The following STK4 variants were observed in gnomAD, a reference collection of about 807,000 sequenced individuals.
STK4 encodes serine/threonine kinase 4.
A neutral mutation model predicts 64.9 loss-of-function variants in STK4; 30 were observed. The ratio of observed to expected loss-of-function variants is 0.46; its 90% CI spans 0.35 to 0.63. The LOEUF (loss-of-function observed/expected upper bound fraction) is 0.63. Ranked by LOEUF, STK4 falls within the 20% of genes least tolerant of loss-of-function variation. The pLI is 0.01. For missense variants in STK4, 466 were observed against 598.5 expected, an observed-to-expected ratio of 0.78 and a Z score of 2.31; for synonymous variants, 177 against 199.0, an observed-to-expected ratio of 0.89 and a Z score of 0.93.
At chr20:45,002,903 T>C (rs1223792947) in intron 9 of STK4, among the ~76,000 whole-genome samples, 1 of 144,782 alleles carries the variant, frequency 6.9e-6, no homozygotes, top group Non-Finnish European at 1.5e-5. Context: ...TTGGGCAAGA[T>C]TTTTTTTTTT....
chr20:45,061,792 C>T (rs1350977633), intron 10 of STK4, among the ~76,000 whole-genome samples: 1 of 151,452 alleles, frequency 6.6e-6, no homozygotes, highest in Non-Finnish European at 1.5e-5. Flanking sequence ...TATTGTTCAC[C>T]TGTATGTACT....
At chr20:45,059,754 C>G (rs1978828413) in intron 10 of STK4, among the ~76,000 whole-genome samples, 1 of 152,142 alleles carries the variant, frequency 6.6e-6, no homozygotes, top group Admixed American at 6.5e-5. Flanking sequence ...AAAGAGCAAT[C>G]ATAAGCAACC....
rs546682399 is a variant in STK4, at chr20:45,014,841, G to T, written c.1148-10132G>T. On this transcript the variant is annotated intron_variant, in intron 9 of 10. Coordinates refer to ENST00000372806, the MANE Select transcript of STK4 (RefSeq NM_006282.5). ...TCCAGGCTTAATAGGTCAATGGGAGGCAGAACTTGGACTACTAATTGAAAG... is the reference window on the plus strand; with the variant it reads ...TCCAGGCTTAATAGGTCAATGGGAGTCAGAACTTGGACTACTAATTGAAAG... Among the ~76,000 whole-genome samples the T allele has an allele frequency of 3.5e-4, 53 of 152,272 alleles. 1 individual carries two copies. The highest frequency in any genetic ancestry group is 3.1e-3 in the South Asian group (15 of 4,820).
chr20:44,989,223 C>G (rs2067590556), intron 5 of STK4, among the ~76,000 whole-genome samples: 1 of 152,106 alleles, frequency 6.6e-6, no homozygotes, highest in South Asian at 2.1e-4. Context: ...ATTTTGTGTT[C>G]CCTGCTGATG....
chr20:45,032,392 A>T (rs1047221713), intron 10 of STK4, among the ~76,000 whole-genome samples: 2 of 152,126 alleles, frequency 1.3e-5, no homozygotes, highest in Admixed American at 6.6e-5. Flanking sequence ...ATAGTAACCC[A>T]TAGGTAGTTT....
At position 45,033,846 on chromosome 20, in the gene STK4, C is replaced by T. The variant is rs527852930; in HGVS notation, c.1305+8716C>T. 5.3e-5 allele frequency among the ~76,000 whole-genome samples: 8 copies of T among 152,228 alleles called. No individual in the cohort carries two copies. In the East Asian group the frequency reaches 1.5e-3, roughly 29 times the overall value. ...CTACCCACCTCGGCCTTTCAAAGTG[C>T]TGGGATTACAGGTGTGAGCCACCAT... On this transcript the variant is annotated intron_variant, in intron 10 of 10. Coordinates refer to ENST00000372806, the MANE Select transcript of STK4 (RefSeq NM_006282.5).
chr20:45,005,603 G>A (rs906852391), intron 9 of STK4, among the ~76,000 whole-genome samples: 8 of 144,252 alleles, frequency 5.5e-5, no homozygotes, highest in Non-Finnish European at 8.9e-5. Context: ...AACCGAGATC[G>A]CGCCACTGCA....
Position 45,077,813 on chromosome 20 carries a change from C to T in STK4, c.*2637C>T, listed in dbSNP as rs546542416. ...TTTTCCCCCATAACTATTCTTGGGT[C>T]ATGAACTTTGATCTGGAGTTTGTTT... On this transcript the variant is annotated 3_prime_UTR_variant, in exon 11 of 11. Transcript: ENST00000372806. 8.7e-4 allele frequency: 133 copies of T among 152,350 alleles called. No homozygotes were observed. Among genetic ancestry groups the T allele is most frequent in the African/African-American group, 2.9e-3 (122 of 41,584 alleles). The allele number at this position is 152,350 out of a possible 1,614,324, so 9.4% of individuals were successfully genotyped here. A position where few individuals can be genotyped will look rare whatever the true frequency, so the allele number is the denominator to read the frequency against.
intron 6 of STK4, 65 bp downstream of exon 6, chr20:44,995,322 C>A: frequency 1.3e-6 from 2 of 1,533,326 alleles, no homozygotes; most frequent in Non-Finnish European, 1.8e-6. Context: ...AAGTGAAGTT[C>A]AAGCCAGGTG....
At chr20:45,029,941 T>TA (rs2068414702) in intron 10 of STK4, among the ~76,000 whole-genome samples, 1 of 152,230 alleles carries the variant, frequency 6.6e-6, no homozygotes, top group Non-Finnish European at 1.5e-5. Flanking sequence ...CCTATACTCT[T>TA]ACTGGAGGTA....
chr20:44,967,320 C>T lies in STK4; in HGVS notation c.35+717C>T, dbSNP rs1191208001. 7 of 802,800 alleles carry T rather than the reference C, an allele frequency of 8.7e-6. No individual in the cohort carries two copies. In the African/African-American group the frequency reaches 1.3e-4, roughly 15 times the overall value. 49.7% of individuals were successfully genotyped at this position (802,800 alleles called of 1,614,324 possible). A position where few individuals can be genotyped will look rare whatever the true frequency, so the allele number is the denominator to read the frequency against. On this transcript the variant is annotated intron_variant, in intron 1 of 10. Transcript: ENST00000372806. ...TTTTCGAGATGGGGAGACTGAGGTC[C>T]AGAGTAGTTGGGAAGTGTTTCCTTC...
At position 44,995,272 on chromosome 20, in the gene STK4, A is replaced by G; in HGVS notation, c.693+15A>G. The G allele has an allele frequency of 6.2e-7, 1 of 1,604,104 alleles. No individual in the cohort carries two copies. Among genetic ancestry groups the G allele is most frequent in the Non-Finnish European group, 8.5e-7 (1 of 1,175,284 alleles). On this transcript the variant is annotated intron_variant, in intron 6 of 10. Transcript: ENST00000372806. ...ATCCAATGAGGGTAAGAAAGTGGAC[A>G]GAAAGCCAGTGGGGTGGTTAGTTAC...
At chr20:45,050,930 T>G (rs1372602441) in intron 10 of STK4, among the ~76,000 whole-genome samples, 1 of 152,214 alleles carries the variant, frequency 6.6e-6, no homozygotes, top group African/African-American at 2.4e-5. Flanking sequence ...GTGTTAAGAG[T>G]AAGGTAGCAA....
At chr20:45,043,333 G>T (rs887800346) in intron 10 of STK4, among the ~76,000 whole-genome samples, 1 of 152,200 alleles carries the variant, frequency 6.6e-6, no homozygotes, top group East Asian at 1.9e-4. Flanking sequence ...GCTTGATAAA[G>T]TTGCAGTTGT....
chr20:45,008,069 T>A (rs1004675515), intron 9 of STK4, among the ~76,000 whole-genome samples: 1 of 152,326 alleles, frequency 6.6e-6, no homozygotes, highest in African/African-American at 2.4e-5. Context: ...ATAATTGCAT[T>A]TTTTTAACGG....
At chr20:44,986,940 T>C (rs1448855938) in intron 4 of STK4, among the ~76,000 whole-genome samples, 192 bp from the exon 5 acceptor site, 1 of 152,084 alleles carries the variant, frequency 6.6e-6, no homozygotes, top group Admixed American at 6.6e-5. Flanking sequence ...ATAAATCTGA[T>C]TGAGGGGAGA....
At chr20:45,057,158 C>T (rs1332916161) in intron 10 of STK4, among the ~76,000 whole-genome samples, 1 of 152,200 alleles carries the variant, frequency 6.6e-6, no homozygotes, top group Non-Finnish European at 1.5e-5. Flanking sequence ...CACAGAAAGA[C>T]CACGTTCTAG....
chr20:45,017,554 A>G (rs1372635066), intron 9 of STK4, among the ~76,000 whole-genome samples: 1 of 152,164 alleles, frequency 6.6e-6, no homozygotes, highest in African/African-American at 2.4e-5. Context: ...TGTTGACTGG[A>G]TTTTGGAAGA....
chr20:45,011,751 CAAGTT>C, intron 9 of STK4, among the ~76,000 whole-genome samples: 1 of 66,014 alleles, frequency 1.5e-5, no homozygotes, highest in Non-Finnish European at 3.1e-5. Flanking sequence ...TTTTTTAAGT[CAAGTT>C]GTTGGGAGCC....
Sources: gnomAD v4.1 joint callset for allele counts (sites outside exome capture counted in the v4.1 genomes callset) on GRCh38, gnomAD v4.1.1 for gene constraint, MANE v1.5 for transcripts, NCBI Gene and HGNC (gene_info 2026-07-23, HGNC 2026-07-21) for gene names.